IDH2: variants seen among roughly 807,000 people sequenced by gnomAD.
IDH2 encodes isocitrate dehydrogenase (NADP(+)) 2, also known as isocitrate dehydrogenase [NADP], mitochondrial.
Under a neutral mutation model 50.5 loss-of-function variants are expected in IDH2, and 18 were observed. The ratio of observed to expected loss-of-function variants is 0.36; its 90% confidence interval spans 0.25 to 0.53. The LOEUF is 0.53. Among genes scored for constraint, IDH2 ranks in the 20% least tolerant of loss-of-function variants. The probability of loss-of-function intolerance (pLI) is 0.92; values close to 1 mark genes in which losing one functional copy is unlikely to be tolerated. For synonymous variants in IDH2, 280 were observed against 239.8 expected, an observed-to-expected ratio of 1.17 and a Z score of -1.55; for missense variants, 518 against 610.7, an observed-to-expected ratio of 0.85 and a Z score of 1.60.
At chr15:90,092,350 C>T (rs1027245906) in intron 1 of IDH2, among the ~76,000 whole-genome samples, 10 of 151,446 alleles carry the variant, frequency 6.6e-5, no homozygotes, top group African/African-American at 2.4e-4. Context: ...TACTTCCTTT[C>T]CTTTCTTTCC....
At chr15:90,102,230 G>C (rs2096313580) in intron 1 of IDH2, 46 bp downstream of exon 1, 1 of 830,272 alleles carries the variant, frequency 1.2e-6, no homozygotes, top group African/African-American at 1.8e-5. Context: ...CCGCCACGTC[G>C]CAGCTGGGGG....
intron 1 of IDH2, among the ~76,000 whole-genome samples, chr15:90,099,630 T>C (rs896779183): frequency 4.6e-5 from 7 of 152,118 alleles, no homozygotes; most frequent in African/African-American, 1.7e-4. Context: ...AATTTTATTT[T>C]TTATTTTTGT....
intron 1 of IDH2, among the ~76,000 whole-genome samples, chr15:90,099,436 C>A (rs28458925): frequency 6.6e-6 from 1 of 151,924 alleles, no homozygotes; most frequent in Non-Finnish European, 1.5e-5. Context: ...GTGCACACAC[C>A]TTTCTTGCCT....
intron 1 of IDH2, among the ~76,000 whole-genome samples, chr15:90,101,785 G>A (rs1901338695): frequency 6.6e-6 from 1 of 152,122 alleles, no homozygotes; most frequent in Admixed American, 6.5e-5. Flanking sequence ...TGGTATCAGC[G>A]CGCGCCTGGC....
At chr15:90,093,961 G>A (rs1250201014) in intron 1 of IDH2, among the ~76,000 whole-genome samples, 1 of 152,130 alleles carries the variant, frequency 6.6e-6, no homozygotes, top group South Asian at 2.1e-4. Context: ...GCTCAGAGAG[G>A]TTAACAGCTT....
intron 1 of IDH2, among the ~76,000 whole-genome samples, chr15:90,096,882 C>T (rs1340079694): frequency 2.6e-5 from 4 of 151,896 alleles, no homozygotes; most frequent in African/African-American, 9.7e-5. Context: ...CCACTGCACT[C>T]CAGCATGGGC....
rs369445642 is a variant in IDH2, at chr15:90,102,368, A to G, written c.23T>C (p.Val8Ala). 3.8e-4 allele frequency: 515 copies of G among 1,365,148 alleles called. 2 individuals carry two copies. The African/African-American group carries it at 6.8e-3, about 18-fold the overall frequency. 84.6% of individuals were successfully genotyped at this position (1,365,148 alleles called of 1,614,324 possible). A position where few individuals can be genotyped will look rare whatever the true frequency, so the allele number is the denominator to read the frequency against. Residue 8 changes from valine to alanine, a missense_variant, in exon 1 of 11, where the codon GTG becomes GCG. Around this residue, in one of 5 missense-constraint regions of IDH2, gnomAD observed 85 missense variants for 66.9 expected, o/e 1.27. Transcript: ENST00000330062. MAGYLRV[V>A]RSLCRASGSR... ...GCCTGAGGCTCTGCAGAGCGAGCGC[A>G]CGACCCGCAGGTAGCCGGCCATCCC...
intron 7 of IDH2, 97 bp downstream of exon 7, chr15:90,087,015 C>T (rs764302874): frequency 4.4e-6 from 6 of 1,352,880 alleles, no homozygotes; most frequent in Non-Finnish European, 6.3e-6. Context: ...ATGAGTCCTG[C>T]TCCACTAGAG....
chr15:90,088,203 A>T (rs1900923132), intron 5 of IDH2, among the ~76,000 whole-genome samples, 156 bp downstream of exon 5: 1 of 152,012 alleles, frequency 6.6e-6, no homozygotes, highest in African/African-American at 2.4e-5. Flanking sequence ...AAATGCCGGG[A>T]TTACAAGTGT....
chr15:90,099,139 G>A (rs754626306), intron 1 of IDH2, among the ~76,000 whole-genome samples: 5 of 152,016 alleles, frequency 3.3e-5, no homozygotes, highest in Non-Finnish European at 5.9e-5. Context: ...GAATGCTCCC[G>A]ATAAGATGGA....
In IDH2 at chr15:90,097,682, G is replaced by A. The variant is rs558853945; in HGVS notation, c.115+4594C>T. 4.6e-3 allele frequency among the ~76,000 whole-genome samples: 255 copies of A among 55,818 alleles called. 1 individual carries two copies. Among genetic ancestry groups the A allele is most frequent in the Middle Eastern group, 8.9e-3 (1 of 112 alleles). The allele number at this position is 55,818 out of a possible 152,430, so 36.6% of individuals were successfully genotyped here. On this transcript the variant is annotated intron_variant, in intron 1 of 10. Transcript: ENST00000330062. ...GGGACTGGGGACGGGAAGTGGGGAG[G>A]TATTGTTTCATGGGTAGAGAGTTTC...
chr15:90,088,310 A>C, intron 5 of IDH2, 49 bp downstream of exon 5: 1 of 1,607,044 alleles, frequency 6.2e-7, no homozygotes, highest in Non-Finnish European at 8.5e-7. Context: ...ACAGAGATGA[A>C]GAGACAAGCT....
rs1901242768 is a variant in IDH2, at chr15:90,098,531, C to CATATATGTATGTATGCATGCATGT, written c.115+3744_115+3745insACATGCATGCATACATACATATAT. 7.2e-6 allele frequency among the ~76,000 whole-genome samples: 1 copy of CATATATGTATGTATGCATGCATGT among 138,354 alleles called. No individual in the cohort carries two copies. The highest frequency in any genetic ancestry group is 2.7e-5 in the African/African-American group (1 of 36,726). The allele number at this position is 138,354 out of a possible 152,430, so 90.8% of individuals were successfully genotyped here. A position where few individuals can be genotyped will look rare whatever the true frequency, so the allele number is the denominator to read the frequency against. Reference sequence around the variant, plus strand: ...GTATGTATGTATGTATGTATGCATGCATGTATGTATGTATGTATGTATGTA... The same window carrying CATATATGTATGTATGCATGCATGT: ...GTATGTATGTATGTATGTATGCATGCATATATGTATGTATGCATGCATGTATGTATGTATGTATGTATGTATGTA... On this transcript the variant is annotated intron_variant, in intron 1 of 10. Transcript: ENST00000330062. This position sits in a 1 kb window ranked among gnomAD's most constrained non-coding sequence, Gnocchi z 5.1.
At chr15:90,092,398 C>T (rs1567256805) in intron 1 of IDH2, among the ~76,000 whole-genome samples, 1 of 96,430 alleles carries the variant, frequency 1.0e-5, no homozygotes. Context: ...TCCTTTCGTT[C>T]CTTCCTCCCT....
At position 90,085,106 on chromosome 15, in the gene IDH2, C is replaced by T. The variant is rs755012033; in HGVS notation, c.1081-8G>A. On this transcript the variant is annotated splice_polypyrimidine_tract_variant and splice_region_variant and intron_variant, in intron 8 of 10. Coordinates refer to ENST00000330062, the MANE Select transcript of IDH2 (RefSeq NM_002168.4). The surrounding 1 kb of genome is among the most constrained non-coding windows in gnomAD (Gnocchi z 5.5). ...GGTGCTGGTGGGCCGGCCCTGGGGA[C>T]GGGGGTTGCAGGGAGATCAAGAGCC... The T allele has an allele frequency of 1.8e-5, 29 of 1,612,946 alleles. No homozygotes were observed. Among genetic ancestry groups the T allele is most frequent in the Middle Eastern group, 3.3e-4 (2 of 6,064 alleles).
chr15:90,093,812 G>A (rs907104104), intron 1 of IDH2, among the ~76,000 whole-genome samples: 1 of 152,126 alleles, frequency 6.6e-6, no homozygotes, highest in Non-Finnish European at 1.5e-5. Context: ...TAGAGACGGG[G>A]TTTTGCCATG....
chr15:90,091,100 A>G (rs1901023226), intron 2 of IDH2, among the ~76,000 whole-genome samples: 1 of 152,198 alleles, frequency 6.6e-6, no homozygotes, highest in Non-Finnish European at 1.5e-5. Flanking sequence ...GCTCTCCTGG[A>G]CATACATAGA....
At chr15:90,088,031 C>T (rs1050148015) in intron 5 of IDH2, among the ~76,000 whole-genome samples, 1 of 152,128 alleles carries the variant, frequency 6.6e-6, no homozygotes, top group African/African-American at 2.4e-5. Context: ...GAGGCATTCT[C>T]TTCTGATAGG....
At position 90,088,751 on chromosome 15, in the gene IDH2, T is replaced by A; in HGVS notation, c.374-4A>T. 6.2e-7 allele frequency: 1 copy of A among 1,613,980 alleles called. No individual in the cohort carries two copies. Among genetic ancestry groups the A allele is most frequent in the Admixed American group, 1.7e-5 (1 of 59,992 alleles). On this transcript the variant is annotated splice_region_variant and splice_polypyrimidine_tract_variant and intron_variant, in intron 3 of 10. Coordinates refer to ENST00000330062, the MANE Select transcript of IDH2 (RefSeq NM_002168.4). ...CACATCTTCTTCAGCTTGAACTCTGTGAGGACAGAGATAATAGTGGTCCCA... is the reference window on the plus strand; with the variant it reads ...CACATCTTCTTCAGCTTGAACTCTGAGAGGACAGAGATAATAGTGGTCCCA...
Sources: gnomAD v4.1 joint callset for allele counts (sites outside exome capture counted in the v4.1 genomes callset) on GRCh38, gnomAD v4.1.1 for gene constraint, gnomAD v4.1.1 regional missense constraint, Gnocchi (gnomAD v3.1) non-coding constraint, MANE v1.5 for transcripts, NCBI Gene and HGNC (gene_info 2026-07-23, HGNC 2026-07-21) for gene names.